Variants in ZFHX3 observed in about 807,000 individuals in gnomAD.
The protein encoded by ZFHX3 is zinc finger homeobox 3.
Under a neutral mutation model 279.1 loss-of-function variants are expected in ZFHX3, and 42 were observed. The observed-to-expected ratio is 0.15, with a 90% CI of 0.12 to 0.19. The LOEUF (loss-of-function observed/expected upper bound fraction) is 0.19. ZFHX3 is among the 10% of genes least tolerant of loss of function. ZFHX3 has a pLI of 1.00. For missense variants in ZFHX3, 4,981 were observed against 4,754.0 expected, an observed-to-expected ratio of 1.05 and a Z score of -1.40; for synonymous variants, 2,293 against 1,957.8, an observed-to-expected ratio of 1.17 and a Z score of -4.52.
At chr16:72,974,562 T>C (rs565446523) in intron 1 of ZFHX3, among the ~76,000 whole-genome samples, 1 of 107,580 alleles carries the variant, frequency 9.3e-6, no homozygotes, top group East Asian at 2.4e-4. Flanking sequence ...GGCTCACTGA[T>C]AGGGCAACAC....
chr16:73,641,721 T>C (rs528934441), intron 2 of ZFHX3, among the ~76,000 whole-genome samples: 2 of 152,022 alleles, frequency 1.3e-5, no homozygotes, highest in South Asian at 4.2e-4. Context: ...GCAGAAGACA[T>C]GGGTAAGTGA....
Position 73,378,559 on chromosome 16 carries a change from G to A in ZFHX3, c.-1290-60223C>T, listed in dbSNP as rs758934007. Among the ~76,000 whole-genome samples, 12 of 152,068 alleles carry A rather than the reference G, an allele frequency of 7.9e-5. No homozygotes were observed. The South Asian group carries it at 8.3e-4, about 11-fold the overall frequency. ...AAGGTTAAAAAAACTATAAAAATAC[G>A]TACAGATAAATTTAAGATAAAAGAC... is the stretch of plus-strand genomic sequence containing the variant. On this transcript the variant is annotated intron_variant, in intron 3 of 17. Transcript: ENST00000641206.
At chr16:73,544,220 G>A (rs1408344984) in intron 2 of ZFHX3, among the ~76,000 whole-genome samples, 2 of 152,178 alleles carry the variant, frequency 1.3e-5, no homozygotes, top group Non-Finnish European at 2.9e-5. Context: ...GTGGAGGGGA[G>A]AGTTTGTTTT....
rs1390101857 is a variant in ZFHX3, at chr16:73,473,368, A to AC, written c.-1546-17111_-1546-17110insG. On this transcript the variant is annotated intron_variant, in intron 2 of 17. Coordinates refer to the ZFHX3 transcript ENST00000641206. ...AAAAAAAAAAAAAAACAAAAAAAAA[A>AC]AAAACAAAATAATAAGCTATGTGAG... Among the ~76,000 whole-genome samples the AC allele has an allele frequency of 1.3e-4, 19 of 151,154 alleles. No homozygotes were observed. In the South Asian group the frequency reaches 4.0e-3, roughly 32 times the overall value.
chr16:73,583,596 G>A (rs1285026036), intron 2 of ZFHX3, among the ~76,000 whole-genome samples: 1 of 152,160 alleles, frequency 6.6e-6, no homozygotes, highest in African/African-American at 2.4e-5. Flanking sequence ...CACTACCTGG[G>A]ATTTGGGTAG....
At chr16:72,910,670 C>T (rs1460406249) in intron 3 of ZFHX3, among the ~76,000 whole-genome samples, 2 of 152,130 alleles carry the variant, frequency 1.3e-5, no homozygotes, top group Admixed American at 1.3e-4. Flanking sequence ...TTGGCAGTGG[C>T]TGAGAAGCCT....
chr16:73,112,422 T>A (rs115938780), intron 7 of ZFHX3, among the ~76,000 whole-genome samples: 192 of 151,898 alleles, frequency 1.3e-3, no homozygotes, highest in African/African-American at 4.4e-3. Context: ...TTTAAAAAAA[T>A]TTTAAAAAGG....
chr16:73,252,902 G>A (rs908042984), intron 5 of ZFHX3, among the ~76,000 whole-genome samples: 7 of 152,214 alleles, frequency 4.6e-5, no homozygotes, highest in Non-Finnish European at 7.3e-5. Flanking sequence ...GAAGGCCACC[G>A]GAGTCCAAAG....
intron 3 of ZFHX3, among the ~76,000 whole-genome samples, chr16:72,943,323 C>T (rs1239747013): frequency 1.3e-5 from 2 of 152,166 alleles, no homozygotes; most frequent in Non-Finnish European, 2.9e-5. Context: ...CACCCAAGTT[C>T]AGGAGTTTGA....
chr16:73,763,277 A>T (rs1456017194), intron 1 of ZFHX3, among the ~76,000 whole-genome samples: 1 of 152,228 alleles, frequency 6.6e-6, no homozygotes, highest in African/African-American at 2.4e-5. Context: ...CAAATCTTTA[A>T]AAGTCTGGCA....
At chr16:72,972,120 T>C (rs967429131) in intron 1 of ZFHX3, among the ~76,000 whole-genome samples, 1 of 152,148 alleles carries the variant, frequency 6.6e-6, no homozygotes, top group Non-Finnish European at 1.5e-5. Flanking sequence ...CTTGAACTCC[T>C]GACCTCAGGT....
chr16:73,061,329 T>C (rs1298242054), upstream of ZFHX3: 4 of 151,586 alleles, frequency 2.6e-5, no homozygotes, highest in Admixed American at 6.6e-5. Flanking sequence ...AATGGGGAAC[T>C]CTCTAGGAGC....
At chr16:73,568,064 C>A (rs914173440) in intron 2 of ZFHX3, among the ~76,000 whole-genome samples, 10 of 152,150 alleles carry the variant, frequency 6.6e-5, no homozygotes, top group Admixed American at 6.5e-4. Context: ...AAGTGAATGT[C>A]ACAAACACCA....
At chr16:73,797,885 G>T (rs967913219) in intron 1 of ZFHX3, among the ~76,000 whole-genome samples, 1 of 142,024 alleles carries the variant, frequency 7.0e-6, no homozygotes, top group Non-Finnish European at 1.5e-5. Context: ...TACAATCTTG[G>T]CTCACTCAAC....
chr16:73,876,873 C>T (rs964296086), intron 1 of ZFHX3, among the ~76,000 whole-genome samples: 1 of 152,098 alleles, frequency 6.6e-6, no homozygotes, highest in African/African-American at 2.4e-5. Context: ...ACAAAACCCA[C>T]CGTGTGGGTT....
At chr16:72,975,538 C>T (rs527740017) in intron 1 of ZFHX3, among the ~76,000 whole-genome samples, 1 of 152,294 alleles carries the variant, frequency 6.6e-6, no homozygotes, top group South Asian at 2.1e-4. Context: ...TTCATGGCCC[C>T]TTCTCCATCC....
Position 72,784,712 on chromosome 16 carries a change from G to C in ZFHX3, c.*2452C>G, listed in dbSNP as rs770212022. 1 of 152,366 alleles carries C rather than the reference G, an allele frequency of 6.6e-6. No homozygotes were observed. Among genetic ancestry groups the C allele is most frequent in the African/African-American group, 2.4e-5 (1 of 41,384 alleles). The allele number at this position is 152,366 out of a possible 1,614,324, so 9.4% of individuals were successfully genotyped here. A position where few individuals can be genotyped will look rare whatever the true frequency, so the allele number is the denominator to read the frequency against. On this transcript the variant is annotated 3_prime_UTR_variant, in exon 10 of 10. Coordinates refer to ENST00000268489, the MANE Select transcript of ZFHX3 (RefSeq NM_006885.4). The stretch of plus-strand genomic sequence containing the variant: ...AAAACAGTAAATGTTTTGCGTACTT[G>C]CTTTTGACACCTTATGCTACAACTG...
intron 1 of ZFHX3, among the ~76,000 whole-genome samples, chr16:73,032,107 G>A (rs1048000077): frequency 1.3e-5 from 2 of 152,110 alleles, no homozygotes; most frequent in African/African-American, 2.4e-5. Context: ...TTGGGATGCC[G>A]AGGAGACAGG....
chr16:73,341,887 C>A (rs941458510), intron 3 of ZFHX3, among the ~76,000 whole-genome samples: 1 of 152,084 alleles, frequency 6.6e-6, no homozygotes, highest in Non-Finnish European at 1.5e-5. Flanking sequence ...TCTTAAATAG[C>A]CAAATCTATA....
Sources: gnomAD v4.1 joint callset for allele counts (sites outside exome capture counted in the v4.1 genomes callset) on GRCh38, gnomAD v4.1.1 for gene constraint, MANE v1.5 for transcripts, NCBI Gene and HGNC (gene_info 2026-07-23, HGNC 2026-07-21) for gene names.